The following CTDNEP1 variants were observed in gnomAD, a reference collection of about 807,000 sequenced individuals.
The protein encoded by CTDNEP1 is C-terminal domain nuclear envelope phosphatase 1.
A neutral mutation model predicts 30.1 loss-of-function variants in CTDNEP1; 3 were observed. The observed-to-expected ratio is 0.10, with a 90% confidence interval of 0.05 to 0.26. CTDNEP1 has a LOEUF of 0.26. Among genes scored for constraint, CTDNEP1 ranks in the 10% least tolerant of loss-of-function variants. The pLI, the probability that CTDNEP1 is intolerant of heterozygous loss-of-function variation, is 1.00. For missense variants in CTDNEP1, 158 were observed against 310.4 expected, an observed-to-expected ratio of 0.51 and a Z score of 3.69; for synonymous variants, 123 against 118.8, an observed-to-expected ratio of 1.04 and a Z score of -0.23.
Position 7,251,402 on chromosome 17 carries a change from G to A in CTDNEP1, c.-106C>T, listed in dbSNP as rs2142999491. The A allele has an allele frequency of 9.1e-6, 6 of 660,880 alleles. No individual in the cohort carries two copies. The allele number at this position is 660,880 out of a possible 1,614,324, so 40.9% of individuals were successfully genotyped here. A position where few individuals can be genotyped will look rare whatever the true frequency, so the allele number is the denominator to read the frequency against. ...GGGAGGGGGAACGGGGGCCCCGAGT[G>A]GCAGGAGAGGCTGCAGAGAGGGGCA... On this transcript the variant is annotated 5_prime_UTR_variant, in exon 1 of 8. Coordinates refer to ENST00000574322, the MANE Select transcript of CTDNEP1 (RefSeq NM_001143775.2).
chr17:7,244,868 A>G, intron 6 of CTDNEP1: 1 of 462,162 alleles, frequency 2.2e-6, no homozygotes, highest in Non-Finnish European at 3.9e-6. Flanking sequence ...CTCACTTGAA[A>G]CACACTTGGC....
rs2071851647 is a variant in CTDNEP1 at position 7,247,264 on chromosome 17, A to T, written c.169+13T>A. 2.5e-6 allele frequency: 4 copies of T among 1,613,718 alleles called. No homozygotes were observed. The highest frequency in any genetic ancestry group is 2.5e-6 in the Non-Finnish European group (3 of 1,179,782). ...TACTTCACCCTAAAGGAGGCTTCCC[A>T]CCACATACTTACCTAGCCGATTCCG... On this transcript the variant is annotated intron_variant, in intron 2 of 7. Coordinates refer to ENST00000574322, the MANE Select transcript of CTDNEP1 (RefSeq NM_001143775.2).
At position 7,245,985 on chromosome 17, in the gene CTDNEP1, C is replaced by G. The variant is rs916156421; in HGVS notation, c.589+41G>C. 4 of 1,388,840 alleles carry G rather than the reference C, an allele frequency of 2.9e-6. No individual in the cohort carries two copies. The African/African-American group carries it at 5.7e-5, about 20-fold the overall frequency. The allele number at this position is 1,388,840 out of a possible 1,614,324, so 86.0% of individuals were successfully genotyped here. On this transcript the variant is annotated intron_variant, in intron 6 of 7. Transcript: ENST00000574322. The stretch of plus-strand genomic sequence containing the variant: ...CTCCTGCAAAAATACCTTCTCAGAA[C>G]CATGTTCTGGTCCTGCCAGACTCAC...
intron 6 of CTDNEP1, 188 bp from the exon 7 acceptor site, chr17:7,244,823 A>G: frequency 1.8e-6 from 1 of 546,524 alleles, no homozygotes; most frequent in Non-Finnish European, 3.2e-6. Flanking sequence ...TCTCATACCT[A>G]TTGATGCTTC....
At position 7,246,558 on chromosome 17, in the gene CTDNEP1, T is replaced by C; in HGVS notation, c.361-188A>G. ...CTCAGTGTTAGGCATCCTACACTCT[T>C]ATGATTCAGAAATGCAAGAACAAAA... is the stretch of plus-strand genomic sequence containing the variant. On this transcript the variant is annotated intron_variant, in intron 4 of 7. Transcript: ENST00000574322. The surrounding 1 kb of genome is among the most constrained non-coding windows in gnomAD (Gnocchi z 4.9). The C allele has an allele frequency of 1.6e-6, 1 of 639,832 alleles. No individual in the cohort carries two copies. The highest frequency in any genetic ancestry group is 1.9e-5 in the South Asian group (1 of 53,304). 39.6% of individuals were successfully genotyped at this position (639,832 alleles called of 1,614,324 possible). A position where few individuals can be genotyped will look rare whatever the true frequency, so the allele number is the denominator to read the frequency against.
chr17:7,246,214 C>T lies in CTDNEP1; in HGVS notation c.477+40G>A, dbSNP rs772647268. 2 of 1,578,418 alleles carry T rather than the reference C, an allele frequency of 1.3e-6. No homozygotes were observed. The highest frequency in any genetic ancestry group is 1.1e-5 in the South Asian group (1 of 90,338). On this transcript the variant is annotated intron_variant, in intron 5 of 7. Transcript: ENST00000574322. The surrounding 1 kb of genome is among the most constrained non-coding windows in gnomAD (Gnocchi z 4.9). ...AACCCAGATCCCTCCCTGGTGGCCTCCCTCCCAAGCCACACTCTTAGACTG... is the reference window on the plus strand; with the variant it reads ...AACCCAGATCCCTCCCTGGTGGCCTTCCTCCCAAGCCACACTCTTAGACTG...
At position 7,246,449 on chromosome 17, in the gene CTDNEP1, A is replaced by T. The variant is rs2071838841; in HGVS notation, c.361-79T>A. The T allele has an allele frequency of 9.6e-7, 1 of 1,039,652 alleles. No individual in the cohort carries two copies. The highest frequency in any genetic ancestry group is 1.6e-5 in the African/African-American group (1 of 63,836). 64.4% of individuals were successfully genotyped at this position (1,039,652 alleles called of 1,614,324 possible). Reference sequence around the variant, plus strand: ...ACATACAGTTATCTTTCAGAAAGGCAATGGCATAGTCCTTCAGGCCTTCCA... The same window carrying T: ...ACATACAGTTATCTTTCAGAAAGGCTATGGCATAGTCCTTCAGGCCTTCCA... On this transcript the variant is annotated intron_variant, in intron 4 of 7. Coordinates refer to ENST00000574322, the MANE Select transcript of CTDNEP1 (RefSeq NM_001143775.2). The surrounding 1 kb of genome is among the most constrained non-coding windows in gnomAD (Gnocchi z 4.9).
upstream of CTDNEP1, chr17:7,251,795 G>C (rs1280803282): frequency 6.8e-6 from 1 of 147,492 alleles, no homozygotes; most frequent in Admixed American, 6.7e-5. Flanking sequence ...AGCGGAGAAC[G>C]GGCCTGCAGA....
intron 6 of CTDNEP1, 66 bp downstream of exon 6, chr17:7,245,960 C>G: frequency 9.4e-7 from 1 of 1,066,238 alleles, no homozygotes; most frequent in East Asian, 2.4e-5. Context: ...AAGCCCAGGT[C>G]TCCTGCAAAA....
intron 1 of CTDNEP1, among the ~76,000 whole-genome samples, chr17:7,248,795 A>G (rs957753727): frequency 2.0e-5 from 3 of 152,224 alleles, no homozygotes; most frequent in Non-Finnish European, 4.4e-5. Context: ...CCTAGTGCAC[A>G]TGGAGTAGGA....
At chr17:7,244,850 C>A in intron 6 of CTDNEP1, 1 of 494,582 alleles carries the variant, frequency 2.0e-6, no homozygotes, top group Non-Finnish European at 3.6e-6. Flanking sequence ...AGCTTACTGC[C>A]ATTGTGCCTC....
chr17:7,246,386 GGA>G lies in CTDNEP1; in HGVS notation c.361-18_361-17del. 1.3e-6 allele frequency: 2 copies of G among 1,570,462 alleles called. No homozygotes were observed. Among genetic ancestry groups the G allele is most frequent in the Non-Finnish European group, 8.8e-7 (1 of 1,141,572 alleles). ...ACTGGCTCACCTGAAATAGATTGGG[GGA>G]GAGGGCGATGCCATACAAGGTGATG... On this transcript the variant is annotated splice_polypyrimidine_tract_variant and intron_variant, in intron 4 of 7. Coordinates refer to ENST00000574322, the MANE Select transcript of CTDNEP1 (RefSeq NM_001143775.2). The surrounding 1 kb of genome is among the most constrained non-coding windows in gnomAD (Gnocchi z 4.9).
chr17:7,247,036 C>G (rs369727514), intron 3 of CTDNEP1, 28 bp downstream of exon 3: 23 of 1,543,628 alleles, frequency 1.5e-5, no homozygotes, highest in Non-Finnish European at 1.9e-5. Flanking sequence ...CAGATGGAAC[C>G]ATTTCATCAC....
intron 1 of CTDNEP1, 118 bp from the exon 2 acceptor site, chr17:7,247,461 T>C (rs2071855658): frequency 3.9e-6 from 3 of 763,364 alleles, no homozygotes; most frequent in Non-Finnish European, 6.4e-6. Context: ...TTTAGGCTTA[T>C]TTCTTCTTCT....
chr17:7,250,758 C>T (rs1471135387), intron 1 of CTDNEP1, among the ~76,000 whole-genome samples: 2 of 152,138 alleles, frequency 1.3e-5, no homozygotes, highest in Non-Finnish European at 2.9e-5. Flanking sequence ...TCCCACCCAC[C>T]TCCACCCTTG....
At position 7,244,069 on chromosome 17, in the gene CTDNEP1, G is replaced by A; in HGVS notation, c.*116C>T. ...TAGGGCTCCCAGGGCAGAGAGGGGT[G>A]GGAGGGGCAGACCCTGCCCAGGCAG... is the stretch of plus-strand genomic sequence containing the variant. On this transcript the variant is annotated 3_prime_UTR_variant, in exon 8 of 8. Transcript: ENST00000574322. The A allele has an allele frequency of 1.3e-6, 2 of 1,519,750 alleles. No individual in the cohort carries two copies. Among genetic ancestry groups the A allele is most frequent in the East Asian group, 2.4e-5 (1 of 41,614 alleles). 94.1% of individuals were successfully genotyped at this position (1,519,750 alleles called of 1,614,324 possible).
intron 6 of CTDNEP1, among the ~76,000 whole-genome samples, 165 bp downstream of exon 6, chr17:7,245,861 T>C (rs1251137778): frequency 6.6e-6 from 1 of 152,168 alleles, no homozygotes; most frequent in Non-Finnish European, 1.5e-5. Context: ...TGGACATATA[T>C]GGTATCTCAT....
chr17:7,246,900 C>T lies in CTDNEP1; in HGVS notation c.289-38G>A. 1 of 1,581,076 alleles carries T rather than the reference C, an allele frequency of 6.3e-7. No individual in the cohort carries two copies. Among genetic ancestry groups the T allele is most frequent in the Non-Finnish European group, 8.7e-7 (1 of 1,150,470 alleles). ...AAGATGGGCTGGGGGATGTCATGACCACCACAACCCAGGCCTAGAAAACGC... is the reference window on the plus strand; with the variant it reads ...AAGATGGGCTGGGGGATGTCATGACTACCACAACCCAGGCCTAGAAAACGC... On this transcript the variant is annotated intron_variant, in intron 3 of 7. Coordinates refer to ENST00000574322, the MANE Select transcript of CTDNEP1 (RefSeq NM_001143775.2). The surrounding 1 kb of genome is among the most constrained non-coding windows in gnomAD (Gnocchi z 4.9).
chr17:7,251,365 C>A lies in CTDNEP1; in HGVS notation c.-69G>T, dbSNP rs1023047479. On this transcript the variant is annotated 5_prime_UTR_variant, in exon 1 of 8. Transcript: ENST00000574322. The stretch of plus-strand genomic sequence containing the variant: ...AGCTCCGCCAGCCCCCCGGGGGCAG[C>A]CCCCCGCCGCCGGGAGGGGGAACGG... 16 of 1,081,336 alleles carry A rather than the reference C, an allele frequency of 1.5e-5. No individual in the cohort carries two copies. The Admixed American group carries it at 2.6e-4, about 17-fold the overall frequency. 67.0% of individuals were successfully genotyped at this position (1,081,336 alleles called of 1,614,324 possible).
Sources: gnomAD v4.1 joint callset for allele counts (sites outside exome capture counted in the v4.1 genomes callset) on GRCh38, gnomAD v4.1.1 for gene constraint, Gnocchi (gnomAD v3.1) non-coding constraint, MANE v1.5 for transcripts, NCBI Gene and HGNC (gene_info 2026-07-23, HGNC 2026-07-21) for gene names.